MCUB: variants seen among roughly 807,000 people sequenced by gnomAD.
MCUB encodes calcium uniporter regulatory subunit MCUb, mitochondrial.
Under a neutral mutation model 41.4 loss-of-function variants are expected in MCUB, and 46 were observed. That is an observed-to-expected ratio of 1.11 (90% CI 0.88 to 1.42). The LOEUF is 1.42. Ranked by LOEUF, MCUB falls within the 40% of genes most tolerant of loss-of-function variation. The pLI is 0.00. For synonymous variants in MCUB, 148 were observed against 148.2 expected (o/e 1.00, Z 0.01); for missense variants, 403 against 404.9 (o/e 1.00, Z 0.04).
At chr4:109,639,025 T>C (rs562861539) in intron 1 of MCUB, among the ~76,000 whole-genome samples, 302 of 152,322 alleles carry the variant, frequency 2.0e-3, no homozygotes, top group African/African-American at 7.1e-3. Flanking sequence ...GGAAATAACT[T>C]CTTCAAAACT....
chr4:109,593,068 A>G (rs28406922), intron 1 of MCUB, among the ~76,000 whole-genome samples: 3,562 of 152,278 alleles, frequency 0.023, 91 homozygotes, highest in South Asian at 0.073. Context: ...GAAAATTCCA[A>G]TGCTCACTTC....
chr4:109,612,911 C>G (rs959468940), intron 1 of MCUB, among the ~76,000 whole-genome samples: 1 of 152,130 alleles, frequency 6.6e-6, no homozygotes, highest in African/African-American at 2.4e-5. Flanking sequence ...TCAAGACCAT[C>G]CTGGCTAACA....
At chr4:109,653,862 A>T (rs1729018316) in intron 1 of MCUB, among the ~76,000 whole-genome samples, 1 of 152,202 alleles carries the variant, frequency 6.6e-6, no homozygotes, top group African/African-American at 2.4e-5. Flanking sequence ...GGCATGAGCC[A>T]TTGCGCCCAG....
At chr4:109,679,877 C>T (rs1203006259) in intron 4 of MCUB, among the ~76,000 whole-genome samples, 2 of 152,158 alleles carry the variant, frequency 1.3e-5, no homozygotes, top group Non-Finnish European at 2.9e-5. Context: ...TCTCGGCTCA[C>T]TGCAACCTCT....
chr4:109,652,893 C>T (rs6830606), intron 1 of MCUB, among the ~76,000 whole-genome samples: 144,195 of 152,282 alleles, frequency 0.95, 68,398 homozygotes, highest in East Asian at 1. Context: ...TTTCAGGCGC[C>T]ATTCTAGGTG....
intron 1 of MCUB, 138 bp from the exon 2 acceptor site, chr4:109,658,873 C>T: frequency 1.5e-6 from 1 of 647,166 alleles, no homozygotes; most frequent in Non-Finnish European, 2.7e-6. Context: ...AGGGCTCACC[C>T]TGGGATGCAT....
At position 109,596,526 on chromosome 4, in the gene MCUB, A is replaced by G. The variant is rs1579056371; in HGVS notation, c.99+36090A>G. 3.9e-5 allele frequency among the ~76,000 whole-genome samples: 6 copies of G among 151,986 alleles called. No individual in the cohort carries two copies. The East Asian group carries it at 1.2e-3, about 30-fold the overall frequency. On this transcript the variant is annotated intron_variant, in intron 1 of 7. Coordinates refer to ENST00000394650, the MANE Select transcript of MCUB (RefSeq NM_017918.5). Reference sequence around the variant, plus strand: ...CCAGCCCTTAGGAGTTGATGATCTCAATGTGGAACTGCAGTTGCCATCCAC... The same window carrying G: ...CCAGCCCTTAGGAGTTGATGATCTCGATGTGGAACTGCAGTTGCCATCCAC...
At chr4:109,634,311 C>T (rs1728541443) in intron 1 of MCUB, among the ~76,000 whole-genome samples, 1 of 151,894 alleles carries the variant, frequency 6.6e-6, no homozygotes, top group South Asian at 2.1e-4. Flanking sequence ...GGAGAAACCC[C>T]ATCTCTACTA....
Position 109,687,789 on chromosome 4 carries a change from T to C in MCUB, c.*197T>C. 3 of 559,940 alleles carry C rather than the reference T, an allele frequency of 5.4e-6. No individual in the cohort carries two copies. Among genetic ancestry groups the C allele is most frequent in the Admixed American group, 6.9e-5 (2 of 29,180 alleles). The allele number at this position is 559,940 out of a possible 1,614,324, so 34.7% of individuals were successfully genotyped here. On this transcript the variant is annotated 3_prime_UTR_variant, in exon 8 of 8. Transcript: ENST00000394650. The stretch of plus-strand genomic sequence containing the variant: ...TGACTTGCTAATGTTAGAAAGGGCT[T>C]GTATGCGTCTATCAAAGCAACGGTG...
At chr4:109,587,277 A>G (rs1368062280) in intron 1 of MCUB, among the ~76,000 whole-genome samples, 2 of 152,272 alleles carry the variant, frequency 1.3e-5, no homozygotes, top group African/African-American at 4.8e-5. Context: ...GGCACAGGAT[A>G]TAATCTCCTG....
intron 4 of MCUB, among the ~76,000 whole-genome samples, chr4:109,682,056 T>C (rs550342900): frequency 8.0e-6 from 1 of 124,366 alleles, no homozygotes; most frequent in Non-Finnish European, 1.7e-5. Flanking sequence ...TTTGCCTAAT[T>C]AGCATTTTAG....
intron 1 of MCUB, among the ~76,000 whole-genome samples, chr4:109,570,486 G>A (rs533316429): frequency 6.6e-6 from 1 of 152,306 alleles, no homozygotes; most frequent in South Asian, 2.1e-4. Context: ...TTTCACTGTT[G>A]GTGGCCTTTG....
At chr4:109,593,577 A>G (rs1727488512) in intron 1 of MCUB, among the ~76,000 whole-genome samples, 2 of 152,220 alleles carry the variant, frequency 1.3e-5, no homozygotes, top group Non-Finnish European at 2.9e-5. Context: ...AAAATATGAA[A>G]TGAATATTTT....
chr4:109,633,143 TATAAC>T (rs1221238878), intron 1 of MCUB, among the ~76,000 whole-genome samples: 3 of 152,166 alleles, frequency 2.0e-5, no homozygotes, highest in African/African-American at 7.2e-5. Context: ...ACTATAAATT[TATAAC>T]AGAAGCGACA....
At chr4:109,683,952 G>A (rs1202617756) in intron 5 of MCUB, among the ~76,000 whole-genome samples, 1 of 152,068 alleles carries the variant, frequency 6.6e-6, no homozygotes, top group Non-Finnish European at 1.5e-5. Context: ...TTATTAGTGA[G>A]CTGATTTGAA....
intron 3 of MCUB, among the ~76,000 whole-genome samples, chr4:109,662,571 C>T (rs538237458): frequency 1.3e-5 from 2 of 152,278 alleles, no homozygotes; most frequent in Non-Finnish European, 2.9e-5. Flanking sequence ...AACACCCTAT[C>T]GGGGGTTTAA....
chr4:109,591,465 C>T (rs186697283), intron 1 of MCUB, among the ~76,000 whole-genome samples: 3 of 152,222 alleles, frequency 2.0e-5, no homozygotes, highest in South Asian at 2.1e-4. Flanking sequence ...GGATTACAGG[C>T]GTGAGCCACC....
intron 4 of MCUB, among the ~76,000 whole-genome samples, chr4:109,675,358 C>T (rs1431395146): frequency 6.6e-6 from 1 of 152,208 alleles, no homozygotes; most frequent in Non-Finnish European, 1.5e-5. Context: ...TAACCATGGC[C>T]TATAAAAACT....
chr4:109,674,498 C>T (rs1232641907), intron 4 of MCUB, among the ~76,000 whole-genome samples: 1 of 152,186 alleles, frequency 6.6e-6, no homozygotes, highest in Non-Finnish European at 1.5e-5. Flanking sequence ...TATAAGAGTC[C>T]TATTTGCCCC....
Sources: allele counts gnomAD v4.1 joint callset (sites outside exome capture counted in the v4.1 genomes callset), GRCh38; gene constraint gnomAD v4.1.1; transcripts MANE v1.5; gene names NCBI Gene and HGNC (gene_info 2026-07-23, HGNC 2026-07-21).